GSAP: variants seen among roughly 807,000 people sequenced by gnomAD.
GSAP encodes the protein gamma-secretase-activating protein.
A neutral mutation model predicts 131.7 loss-of-function variants in GSAP; 118 were observed. The observed-to-expected ratio is 0.90, with a 90% CI of 0.77 to 1.04. The LOEUF (loss-of-function observed/expected upper bound fraction) is 1.04, where lower values mean the gene tolerates loss of function less well. GSAP is among the 50% of genes least tolerant of loss of function. GSAP has a pLI of 0.00. For missense variants in GSAP, 1,019 were observed against 1,013.2 expected (o/e 1.01, Z -0.08); for synonymous variants, 381 against 363.4 (o/e 1.05, Z -0.55).
intron 12 of GSAP, 91 bp from the exon 13 acceptor site, chr7:77,362,751 A>G: frequency 1.4e-6 from 1 of 729,808 alleles, no homozygotes; most frequent in Non-Finnish European, 2.4e-6. Context: ...CTATTCCTTT[A>G]GATGTCCTGT....
chr7:77,340,671 T>TA (rs1390938332), intron 19 of GSAP, among the ~76,000 whole-genome samples: 1 of 152,230 alleles, frequency 6.6e-6, no homozygotes, highest in Non-Finnish European at 1.5e-5. Context: ...CTCGGGAAGA[T>TA]AGTCTTCCCT....
chr7:77,372,092 C>T (rs1195008832), intron 12 of GSAP, among the ~76,000 whole-genome samples: 2 of 152,212 alleles, frequency 1.3e-5, no homozygotes, highest in Non-Finnish European at 2.9e-5. Flanking sequence ...TAACTTATGT[C>T]TAACTGTGCC....
intron 2 of GSAP, among the ~76,000 whole-genome samples, chr7:77,404,905 CAT>C (rs1360750213): frequency 6.6e-6 from 1 of 152,138 alleles, no homozygotes; most frequent in Non-Finnish European, 1.5e-5. Flanking sequence ...AAAACACACA[CAT>C]ATGATAGATA....
chr7:77,333,633 A>G (rs1228771697), intron 19 of GSAP, among the ~76,000 whole-genome samples: 1 of 152,244 alleles, frequency 6.6e-6, no homozygotes, highest in Non-Finnish European at 1.5e-5. Context: ...CTTAAAGGCT[A>G]TATAAATCAC....
chr7:77,328,340 T>G (rs1788606185), intron 22 of GSAP: 2 of 1,218,528 alleles, frequency 1.6e-6, no homozygotes, highest in Admixed American at 4.2e-5. Context: ...CAGCTCTGTA[T>G]GACAGGAAAT....
At chr7:77,410,362 A>G (rs1299630935) in intron 1 of GSAP, among the ~76,000 whole-genome samples, 1 of 152,158 alleles carries the variant, frequency 6.6e-6, no homozygotes, top group Non-Finnish European at 1.5e-5. Flanking sequence ...CGAGTTGCCC[A>G]TGTCTTAACA....
At chr7:77,384,802 G>C (rs1329051292) in intron 6 of GSAP, among the ~76,000 whole-genome samples, 1 of 152,086 alleles carries the variant, frequency 6.6e-6, no homozygotes, top group Non-Finnish European at 1.5e-5. Context: ...TGATCCCAGG[G>C]CAAGACCAAC....
intron 19 of GSAP, among the ~76,000 whole-genome samples, chr7:77,334,313 T>C (rs1584317103): frequency 1.3e-5 from 2 of 151,136 alleles, no homozygotes; most frequent in Admixed American, 1.3e-4. Context: ...CTCAGCAAAC[T>C]AACAAAGGAA....
intron 16 of GSAP, 111 bp from the exon 17 acceptor site, chr7:77,353,752 T>C: frequency 1.5e-6 from 1 of 661,706 alleles, no homozygotes; most frequent in South Asian, 1.8e-5. Flanking sequence ...TATTTTAGAA[T>C]TGCCTAAGAA....
chr7:77,334,656 C>A (rs1236677917), intron 19 of GSAP, among the ~76,000 whole-genome samples: 1 of 147,900 alleles, frequency 6.8e-6, no homozygotes, highest in African/African-American at 2.5e-5. Flanking sequence ...AGCAGTTATC[C>A]AACAAAGCAA....
chr7:77,317,306 T>C (rs1419897374), intron 26 of GSAP, among the ~76,000 whole-genome samples: 1 of 141,830 alleles, frequency 7.1e-6, no homozygotes, highest in African/African-American at 2.7e-5. Context: ...TTCTCACTCA[T>C]AGGTGGGAAT....
chr7:77,374,162 A>C lies in GSAP; in HGVS notation c.786-7T>G, dbSNP rs756616300. On this transcript the variant is annotated splice_region_variant and splice_polypyrimidine_tract_variant and intron_variant, in intron 11 of 30. Transcript: ENST00000257626. Reference sequence around the variant, plus strand: ...ACATCCAAAGTTGACAAGTCTAAGAACATAAAGAATGAGAAATTATTGAAT... The same window carrying C: ...ACATCCAAAGTTGACAAGTCTAAGACCATAAAGAATGAGAAATTATTGAAT... 1.4e-6 allele frequency: 2 copies of C among 1,462,962 alleles called. No individual in the cohort carries two copies. Among genetic ancestry groups the C allele is most frequent in the South Asian group, 2.4e-5 (2 of 83,822 alleles). The allele number at this position is 1,462,962 out of a possible 1,614,324, so 90.6% of individuals were successfully genotyped here.
intron 19 of GSAP, among the ~76,000 whole-genome samples, chr7:77,340,715 T>G (rs1283764013): frequency 1.3e-5 from 2 of 152,156 alleles, no homozygotes. Context: ...GCCTGCCTGA[T>G]TATTCACCCA....
chr7:77,379,778 G>A (rs761794755), intron 8 of GSAP: 3 of 652,292 alleles, frequency 4.6e-6, no homozygotes, highest in African/African-American at 3.9e-5. Flanking sequence ...GCTCCCATCC[G>A]TCTGTCCTTG....
intron 12 of GSAP, among the ~76,000 whole-genome samples, chr7:77,366,146 G>C (rs1331030686): frequency 6.6e-6 from 1 of 152,014 alleles, no homozygotes; most frequent in Non-Finnish European, 1.5e-5. Context: ...GCCTTTGTCA[G>C]ATGCATAGTT....
At chr7:77,399,363 A>G (rs1383541055) in intron 3 of GSAP, among the ~76,000 whole-genome samples, 2 of 152,188 alleles carry the variant, frequency 1.3e-5, no homozygotes, top group Non-Finnish European at 2.9e-5. Flanking sequence ...CTTCCACACA[A>G]TAGAGCTCCA....
chr7:77,333,164 CA>C (rs1181875874), intron 19 of GSAP, among the ~76,000 whole-genome samples: 2 of 149,988 alleles, frequency 1.3e-5, no homozygotes, highest in Non-Finnish European at 3.0e-5. Flanking sequence ...AGACTGTCTC[CA>C]AAAAAAAAGA....
At chr7:77,330,704 T>C in intron 19 of GSAP, 2 of 994,038 alleles carry the variant, frequency 2.0e-6, no homozygotes, top group Non-Finnish European at 1.2e-6. Context: ...CACTGAGTCA[T>C]TTCCTCCCTT....
intron 3 of GSAP, among the ~76,000 whole-genome samples, chr7:77,399,501 G>A (rs1800969329): frequency 6.6e-6 from 1 of 152,160 alleles, no homozygotes; most frequent in Non-Finnish European, 1.5e-5. Context: ...AACCAGTTTA[G>A]GTCATGTTCA....
Sources: allele counts gnomAD v4.1 joint callset (sites outside exome capture counted in the v4.1 genomes callset), GRCh38; gene constraint gnomAD v4.1.1; transcripts MANE v1.5; gene names NCBI Gene and HGNC (gene_info 2026-07-23, HGNC 2026-07-21).